Variants in FAM47E observed in about 807,000 individuals in gnomAD.
The protein encoded by FAM47E is protein FAM47E.
A neutral mutation model predicts 41.6 loss-of-function variants in FAM47E; 32 were observed. The observed-to-expected ratio is 0.77, with a 90% confidence interval of 0.58 to 1.03. The LOEUF (loss-of-function observed/expected upper bound fraction) is 1.03, where lower values mean the gene tolerates loss of function less well. Among genes scored for constraint, FAM47E ranks in the 50% least tolerant of loss-of-function variants. The pLI, the probability that FAM47E is intolerant of heterozygous loss-of-function variation, is 0.00. For missense variants in FAM47E, 424 were observed against 485.4 expected, an observed-to-expected ratio of 0.87 and a Z score of 1.19; for synonymous variants, 184 against 188.7, an observed-to-expected ratio of 0.98 and a Z score of 0.20.
At chr4:76,232,754 GC>G (rs1194641056) in intron 2 of FAM47E, among the ~76,000 whole-genome samples, 2 of 152,010 alleles carry the variant, frequency 1.3e-5, no homozygotes, top group African/African-American at 4.8e-5. Flanking sequence ...CTATCTAAAA[GC>G]CAGGTATCAG....
intron 2 of FAM47E, among the ~76,000 whole-genome samples, chr4:76,225,598 C>G (rs56275416): frequency 0.64 from 98,092 of 152,100 alleles, 33,661 homozygotes; most frequent in Non-Finnish European, 0.78. Context: ...AATCATAAAG[C>G]GATGCTGGAT....
chr4:76,232,006 C>T (rs1029866887), intron 2 of FAM47E, among the ~76,000 whole-genome samples: 3 of 152,170 alleles, frequency 2.0e-5, no homozygotes, highest in Non-Finnish European at 4.4e-5. Context: ...GAAGTGGATT[C>T]CTATTGCACT....
At chr4:76,239,092 A>G (rs1032054840) in intron 2 of FAM47E, among the ~76,000 whole-genome samples, 4 of 152,238 alleles carry the variant, frequency 2.6e-5, no homozygotes, top group African/African-American at 9.6e-5. Context: ...AGGCTGAATA[A>G]TATGCCATTG....
chr4:76,241,346 G>A (rs1279429777), intron 2 of FAM47E, among the ~76,000 whole-genome samples: 5 of 152,150 alleles, frequency 3.3e-5, no homozygotes, highest in African/African-American at 1.2e-4. Context: ...CAGAGGAGGT[G>A]GAGTTTGCCA....
At position 76,263,838 on chromosome 4, in the gene FAM47E, G is replaced by A. The variant is rs1423564750; in HGVS notation, c.555G>A (p.Leu185=). The change falls in exon 3 of 8, where the codon CTG becomes CTA. Residue 185 remains leucine, a synonymous_variant. Coordinates refer to ENST00000424749, the MANE Select transcript of FAM47E (RefSeq NM_001136570.3). ...LLKKHSTQVY[L]GPSKKTSVSN... is the part of the protein sequence containing the mutation. ...AAAAACATTCTACCCAAGTCTACCT[G>A]GGACCGTGAGTATTGTTCTTAACCC... 1 of 1,551,024 alleles carries A rather than the reference G, an allele frequency of 6.4e-7. No homozygotes were observed. The highest frequency in any genetic ancestry group is 8.7e-7 in the Non-Finnish European group (1 of 1,146,650).
In FAM47E at chr4:76,225,308, C is replaced by T. The variant is rs7672839; in HGVS notation, c.81+7620C>T. On this transcript the variant is annotated intron_variant, in intron 2 of 7. Transcript: ENST00000510197. ...TCCTCTGGGTAGATAGAGTCTTCAG[C>T]ATTTTCTAGGTATATGATCATATCA... 1.8e-3 allele frequency among the ~76,000 whole-genome samples: 274 copies of T among 152,264 alleles called. 1 individual carries two copies. Among genetic ancestry groups the T allele is most frequent in the Middle Eastern group, 6.8e-3 (2 of 294 alleles).
In FAM47E at chr4:76,283,486, AT is replaced by A; in HGVS notation, c.*32del. ...GAATCGTAGGAGAATGATTAGGCAG[AT>A]TTTATTACTACGTACTTGGCTATTT... On this transcript the variant is annotated 3_prime_UTR_variant, in exon 8 of 8. Coordinates refer to ENST00000424749, the MANE Select transcript of FAM47E (RefSeq NM_001136570.3). 7.6e-7 allele frequency: 1 copy of A among 1,309,414 alleles called. No individual in the cohort carries two copies. Among genetic ancestry groups the A allele is most frequent in the Non-Finnish European group, 1.1e-6 (1 of 927,610 alleles). 81.1% of individuals were successfully genotyped at this position (1,309,414 alleles called of 1,614,324 possible). A position where few individuals can be genotyped will look rare whatever the true frequency, so the allele number is the denominator to read the frequency against.
chr4:76,238,568 G>A (rs2109989899), intron 2 of FAM47E, among the ~76,000 whole-genome samples: 1 of 152,218 alleles, frequency 6.6e-6, no homozygotes, highest in South Asian at 2.1e-4. Flanking sequence ...GTAACTATGA[G>A]TCCAACAAGG....
intron 2 of FAM47E, among the ~76,000 whole-genome samples, chr4:76,230,969 C>G (rs1733483534): frequency 6.6e-6 from 1 of 152,186 alleles, no homozygotes; most frequent in South Asian, 2.1e-4. Context: ...TTGTCTACCT[C>G]TGGATCCCTT....
At chr4:76,239,994 T>C (rs1733673621) in intron 2 of FAM47E, among the ~76,000 whole-genome samples, 1 of 152,176 alleles carries the variant, frequency 6.6e-6, no homozygotes, top group African/African-American at 2.4e-5. Flanking sequence ...CTTTTCCCCA[T>C]TGGATAATCT....
At chr4:76,230,770 G>A (rs969549407) in intron 2 of FAM47E, among the ~76,000 whole-genome samples, 1 of 152,054 alleles carries the variant, frequency 6.6e-6, no homozygotes, top group Non-Finnish European at 1.5e-5. Context: ...GGGTTTAGGG[G>A]GTGAAAATCT....
chr4:76,225,296 TAG>T (rs1420753819), intron 2 of FAM47E, among the ~76,000 whole-genome samples: 5 of 152,234 alleles, frequency 3.3e-5, no homozygotes, highest in African/African-American at 7.2e-5. Context: ...TCTGGGTAGA[TAG>T]AGTCTTCAGC....
chr4:76,234,071 A>C (rs1173879557), intron 2 of FAM47E, among the ~76,000 whole-genome samples: 1 of 152,240 alleles, frequency 6.6e-6, no homozygotes, highest in Non-Finnish European at 1.5e-5. Flanking sequence ...GTGTGGCAGA[A>C]AACACCAGCC....
chr4:76,282,987 T>A (rs1735421487), intron 7 of FAM47E: 1 of 161,106 alleles, frequency 6.2e-6, no homozygotes, highest in Non-Finnish European at 1.4e-5. Context: ...TTCACATATG[T>A]TATGTGAACA....
exon 1 of FAM47E, chr4:76,214,049 C>T (rs1490408496): frequency 3.0e-6 from 1 of 330,466 alleles, no homozygotes; most frequent in Admixed American, 4.3e-5. Context: ...CAGCGCCCTG[C>T]ACCGCAGGCC....
At chr4:76,275,691 T>C (rs1735067327) in intron 5 of FAM47E, among the ~76,000 whole-genome samples, 1 of 152,144 alleles carries the variant, frequency 6.6e-6, no homozygotes, top group African/African-American at 2.4e-5. Flanking sequence ...TACAAAGGCA[T>C]CACAGAAGGA....
intron 2 of FAM47E, among the ~76,000 whole-genome samples, chr4:76,223,412 T>C (rs1346662345): frequency 6.6e-6 from 1 of 152,144 alleles, no homozygotes; most frequent in East Asian, 1.9e-4. Flanking sequence ...ACTTTGAGAA[T>C]TCATCAAAAT....
At chr4:76,256,125 T>C in intron 1 of FAM47E, 53 bp from the exon 2 acceptor site, 8 of 1,504,254 alleles carry the variant, frequency 5.3e-6, no homozygotes, top group Non-Finnish European at 6.3e-6. Context: ...CTGTGGTTAA[T>C]ATGAACAGGC....
chr4:76,226,049 T>A (rs534342609), intron 2 of FAM47E, among the ~76,000 whole-genome samples: 4 of 152,182 alleles, frequency 2.6e-5, no homozygotes, highest in Non-Finnish European at 5.9e-5. Flanking sequence ...TATTTTTTAT[T>A]ACTGTTTGTT....
Sources: gnomAD v4.1 joint callset for allele counts (sites outside exome capture counted in the v4.1 genomes callset) on GRCh38, gnomAD v4.1.1 for gene constraint, MANE v1.5 for transcripts, NCBI Gene and HGNC (gene_info 2026-07-23, HGNC 2026-07-21) for gene names.